The following CUX1 variants were observed in gnomAD, a reference collection of about 807,000 sequenced individuals.
CUX1 encodes the protein cut like homeobox 1, also known as protein CASP.
A neutral mutation model predicts 158.8 loss-of-function variants in CUX1; 31 were observed. The observed-to-expected ratio is 0.20, with a 90% CI of 0.15 to 0.26. The LOEUF is 0.26. CUX1 is among the 10% of genes least tolerant of loss of function. The probability of loss-of-function intolerance (pLI) is 1.00; values close to 1 mark genes in which losing one functional copy is unlikely to be tolerated. For missense variants in CUX1, 1,589 were observed against 2,014.6 expected (o/e 0.79, Z 4.04); for synonymous variants, 879 against 862.1 (o/e 1.02, Z -0.34).
At chr7:101,894,735 ACT>A (rs1383750724) in intron 1 of CUX1, among the ~76,000 whole-genome samples, 2 of 152,108 alleles carry the variant, frequency 1.3e-5, no homozygotes, top group East Asian at 3.9e-4. Flanking sequence ...CTTAAATAAA[ACT>A]CTCATGGAGT....
At chr7:102,181,573 T>A (rs1793089257) in intron 11 of CUX1, among the ~76,000 whole-genome samples, 1 of 152,236 alleles carries the variant, frequency 6.6e-6, no homozygotes, top group Non-Finnish European at 1.5e-5. Context: ...ATCCGTATCT[T>A]GGGGGAATTG....
chr7:102,243,723 G>T (rs968808115), intron 23 of CUX1, among the ~76,000 whole-genome samples: 4 of 150,502 alleles, frequency 2.7e-5, no homozygotes, highest in African/African-American at 7.3e-5. Flanking sequence ...GCATGAAGTC[G>T]CTTGTCTAAG....
At chr7:102,160,323 A>G (rs1247937465) in intron 9 of CUX1, among the ~76,000 whole-genome samples, 1 of 152,142 alleles carries the variant, frequency 6.6e-6, no homozygotes, top group Admixed American at 6.5e-5. Context: ...AGGGCAATCT[A>G]ATGTGCCCAA....
intron 8 of CUX1, among the ~76,000 whole-genome samples, chr7:102,133,971 C>T (rs1396702074): frequency 6.6e-6 from 1 of 152,154 alleles, no homozygotes; most frequent in Non-Finnish European, 1.5e-5. Context: ...TTCAAAATGT[C>T]AGTGGTTCTT....
chr7:102,196,611 A>G (rs1479167147), intron 14 of CUX1, 23 bp from the exon 15 acceptor site: 8 of 1,506,930 alleles, frequency 5.3e-6, no homozygotes, highest in Non-Finnish European at 6.2e-6. Flanking sequence ...CCCATAATGC[A>G]TTCTGTTTGC....
chr7:102,069,513 C>T (rs1170383133), intron 3 of CUX1, among the ~76,000 whole-genome samples: 3 of 152,200 alleles, frequency 2.0e-5, no homozygotes, highest in African/African-American at 7.2e-5. Flanking sequence ...CTTTGGGAGG[C>T]TGAGGCGGGC....
chr7:102,098,726 T>C (rs974677686), intron 5 of CUX1, among the ~76,000 whole-genome samples: 1 of 150,464 alleles, frequency 6.6e-6, no homozygotes, highest in Non-Finnish European at 1.5e-5. Context: ...CTGCAAGCTC[T>C]GCCTCCCGGG....
chr7:101,982,735 A>G (rs564853830), intron 2 of CUX1, among the ~76,000 whole-genome samples: 5 of 148,738 alleles, frequency 3.4e-5, no homozygotes, highest in African/African-American at 4.9e-5. Context: ...TTTTTTTTTT[A>G]TTATACTTTA....
chr7:101,949,269 C>A (rs1051015271), intron 2 of CUX1, among the ~76,000 whole-genome samples: 5 of 151,128 alleles, frequency 3.3e-5, no homozygotes, highest in African/African-American at 4.9e-5. Context: ...GTAGCTGGGA[C>A]TACAGGCGCC....
At chr7:101,943,804 C>T (rs146778485) in intron 2 of CUX1, among the ~76,000 whole-genome samples, 1 of 151,978 alleles carries the variant, frequency 6.6e-6, no homozygotes, top group East Asian at 1.9e-4. Context: ...GCCACTTAGC[C>T]ATTCCATAAA....
chr7:101,958,146 G>C (rs972544554), intron 2 of CUX1, among the ~76,000 whole-genome samples: 2 of 152,178 alleles, frequency 1.3e-5, no homozygotes, highest in African/African-American at 4.8e-5. Context: ...CGTGTGAAGT[G>C]TGCAGAGTGC....
chr7:101,879,525 CTG>C (rs1346315417), intron 1 of CUX1, among the ~76,000 whole-genome samples: 1 of 152,242 alleles, frequency 6.6e-6, no homozygotes, highest in Non-Finnish European at 1.5e-5. Flanking sequence ...GAGCCCCTCT[CTG>C]TGGTTGAGGC....
chr7:102,185,607 GT>G (rs1241609724), intron 11 of CUX1, among the ~76,000 whole-genome samples: 88 of 137,614 alleles, frequency 6.4e-4, no homozygotes, highest in East Asian at 4.0e-3. Context: ...TTTTTTTTTT[GT>G]TTTTTTTTTT....
chr7:102,156,726 T>A (rs959720615), intron 8 of CUX1, among the ~76,000 whole-genome samples: 6 of 152,102 alleles, frequency 3.9e-5, no homozygotes. Context: ...GTCAGGCCTG[T>A]CCAGCACCCT....
chr7:102,093,502 T>C (rs1381776155), intron 4 of CUX1, among the ~76,000 whole-genome samples: 5 of 152,188 alleles, frequency 3.3e-5, no homozygotes, highest in African/African-American at 1.2e-4. Flanking sequence ...GCAGAAATCA[T>C]ACTGAGAATT....
chr7:101,836,380 C>T (rs945839721), intron 1 of CUX1, among the ~76,000 whole-genome samples: 2 of 152,070 alleles, frequency 1.3e-5, no homozygotes, highest in Non-Finnish European at 2.9e-5. Context: ...TTTGAAACCA[C>T]CCTGGGCAAT....
Position 102,249,343 on chromosome 7 carries a change from T to G in CUX1, c.*301T>G. The G allele has an allele frequency of 2.0e-6, 2 of 1,007,660 alleles. No individual in the cohort carries two copies. Among genetic ancestry groups the G allele is most frequent in the South Asian group, 4.7e-5 (1 of 21,486 alleles). 62.4% of individuals were successfully genotyped at this position (1,007,660 alleles called of 1,614,324 possible). On this transcript the variant is annotated 3_prime_UTR_variant, in exon 24 of 24. Coordinates refer to ENST00000292535, the MANE Select transcript of CUX1 (RefSeq NM_181552.4). ...GGACCCCTGGACCGCTTTGCGCACT[T>G]ACCGCCCTGCGGGCCACAGGGCAAA...
chr7:102,213,340 A>G (rs1269403031), intron 20 of CUX1, among the ~76,000 whole-genome samples: 1 of 152,256 alleles, frequency 6.6e-6, no homozygotes, highest in East Asian at 1.9e-4. Flanking sequence ...CCAATTCCTT[A>G]AAGTGGACAC....
intron 2 of CUX1, chr7:101,961,046 T>A (rs185707116): frequency 1.3e-5 from 2 of 152,346 alleles, no homozygotes; most frequent in East Asian, 3.9e-4. Context: ...CTCCATGAGA[T>A]TCCAAAAAGG....
Sources: gnomAD v4.1 joint callset for allele counts (sites outside exome capture counted in the v4.1 genomes callset) on GRCh38, gnomAD v4.1.1 for gene constraint, MANE v1.5 for transcripts, NCBI Gene and HGNC (gene_info 2026-07-23, HGNC 2026-07-21) for gene names.